PXDNL: variants seen among roughly 807,000 people sequenced by gnomAD.
The protein encoded by PXDNL is peroxidasin like.
A neutral mutation model predicts 150.8 loss-of-function variants in PXDNL; 145 were observed. The ratio of observed to expected loss-of-function variants is 0.96; its 90% CI spans 0.84 to 1.10. PXDNL has a LOEUF of 1.10. Among genes scored for constraint, PXDNL ranks in the 50% least tolerant of loss-of-function variants. PXDNL has a pLI of 0.00. For missense variants in PXDNL, 2,087 were observed against 1,873.9 expected (o/e 1.11, Z -2.10); for synonymous variants, 757 against 725.7 (o/e 1.04, Z -0.69).
chr8:51,322,139 A>C (rs1805340121), intron 21 of PXDNL, among the ~76,000 whole-genome samples: 1 of 152,168 alleles, frequency 6.6e-6, no homozygotes, highest in Non-Finnish European at 1.5e-5. Context: ...CCCTGCTGAC[A>C]CTTTGATCGT....
chr8:51,421,599 T>G (rs59625467), intron 14 of PXDNL, among the ~76,000 whole-genome samples: 3,466 of 152,170 alleles, frequency 0.023, 116 homozygotes, highest in African/African-American at 0.079. Flanking sequence ...CTCGGGAGGC[T>G]GGGGCAGGAG....
chr8:51,769,328 C>T (rs1035039221), intron 1 of PXDNL, among the ~76,000 whole-genome samples: 12 of 152,182 alleles, frequency 7.9e-5, no homozygotes, highest in African/African-American at 2.9e-4. Flanking sequence ...CCAGTAGTTA[C>T]CATTACTCCA....
At chr8:51,617,240 T>C (rs1470619390) in intron 2 of PXDNL, among the ~76,000 whole-genome samples, 1 of 152,230 alleles carries the variant, frequency 6.6e-6, no homozygotes, top group Admixed American at 6.5e-5. Context: ...AGCAGTATAA[T>C]TTTAATGGAT....
At chr8:51,402,584 T>G (rs930850802) in intron 17 of PXDNL, among the ~76,000 whole-genome samples, 1 of 152,230 alleles carries the variant, frequency 6.6e-6, no homozygotes, top group East Asian at 1.9e-4. Flanking sequence ...ACAAATAAAC[T>G]TATACTTACT....
intron 1 of PXDNL, among the ~76,000 whole-genome samples, chr8:51,785,636 T>C (rs1355100748): frequency 1.3e-5 from 2 of 152,218 alleles, no homozygotes; most frequent in Non-Finnish European, 2.9e-5. Flanking sequence ...TCATTGTAAT[T>C]GTTTGGGGGA....
chr8:51,505,425 C>T (rs1452642429), intron 4 of PXDNL, among the ~76,000 whole-genome samples: 2 of 152,278 alleles, frequency 1.3e-5, no homozygotes, highest in African/African-American at 4.8e-5. Flanking sequence ...TTGGCAACCC[C>T]GATCTAAGGC....
intron 3 of PXDNL, among the ~76,000 whole-genome samples, chr8:51,581,988 GATTTTTTTA>G (rs1282260080): frequency 6.6e-6 from 1 of 151,860 alleles, no homozygotes; most frequent in Non-Finnish European, 1.5e-5. Context: ...AATATATTAG[GATTTTTTTA>G]AAGCAGGCTA....
At chr8:51,377,723 G>A (rs1194135632) in intron 17 of PXDNL, among the ~76,000 whole-genome samples, 2 of 152,204 alleles carry the variant, frequency 1.3e-5, no homozygotes, top group Admixed American at 6.5e-5. Flanking sequence ...CGCTGCGCTC[G>A]AATTCTCGTG....
chr8:51,329,198 C>T (rs1318314101), intron 21 of PXDNL, among the ~76,000 whole-genome samples: 1 of 152,120 alleles, frequency 6.6e-6, no homozygotes, highest in African/African-American at 2.4e-5. Context: ...ATTTCCCATC[C>T]CCACACCTGA....
At position 51,374,654 on chromosome 8, in the gene PXDNL, C is replaced by A; in HGVS notation, c.3635G>T (p.Gly1212Val). ...AACAAACAGGCACATAAGTGTTGGT[C>A]CCACTCTTGTACCAGGAATCAGGTC... is the stretch of plus-strand genomic sequence containing the variant. ...VEDLIPGTRV[G>V]PTLMCLFVTQ... The change falls in exon 18 of 23, where the codon GGA becomes GTA. Residue 1212 changes from glycine to valine, a missense_variant. Coordinates refer to ENST00000356297, the MANE Select transcript of PXDNL (RefSeq NM_144651.5). 1 of 1,613,830 alleles carries A rather than the reference C, an allele frequency of 6.2e-7. No individual in the cohort carries two copies. The highest frequency in any genetic ancestry group is 8.5e-7 in the Non-Finnish European group (1 of 1,179,822).
chr8:51,617,552 A>G (rs1814156299), intron 2 of PXDNL, among the ~76,000 whole-genome samples: 1 of 152,244 alleles, frequency 6.6e-6, no homozygotes, highest in Non-Finnish European at 1.5e-5. Flanking sequence ...GGAAGCTTAG[A>G]GAAATATGAC....
chr8:51,627,797 G>A (rs1221149579), intron 2 of PXDNL, among the ~76,000 whole-genome samples: 1 of 152,134 alleles, frequency 6.6e-6, no homozygotes, highest in Non-Finnish European at 1.5e-5. Flanking sequence ...AGCAGTCCAG[G>A]GTCCTGGGCC....
At chr8:51,652,306 T>A (rs1441676673) in intron 2 of PXDNL, among the ~76,000 whole-genome samples, 1 of 152,138 alleles carries the variant, frequency 6.6e-6, no homozygotes, top group Non-Finnish European at 1.5e-5. Context: ...TTCACTTAAC[T>A]GGACTAACAA....
intron 1 of PXDNL, among the ~76,000 whole-genome samples, chr8:51,772,161 C>T (rs2037303050): frequency 6.6e-6 from 1 of 151,872 alleles, no homozygotes; most frequent in Non-Finnish European, 1.5e-5. Flanking sequence ...CTTTGATGAA[C>T]CAGCAGCACT....
At chr8:51,461,235 T>C (rs1810071915) in intron 8 of PXDNL, among the ~76,000 whole-genome samples, 1 of 152,162 alleles carries the variant, frequency 6.6e-6, no homozygotes, top group Non-Finnish European at 1.5e-5. Flanking sequence ...GAACTGCCAA[T>C]CTCAGAACAC....
At chr8:51,703,862 A>G (rs1326634751) in intron 1 of PXDNL, among the ~76,000 whole-genome samples, 1 of 152,210 alleles carries the variant, frequency 6.6e-6, no homozygotes, top group East Asian at 1.9e-4. Flanking sequence ...ATTAATTTAG[A>G]ATGTTTGCCT....
At chr8:51,763,105 T>C (rs1204689120) in intron 1 of PXDNL, among the ~76,000 whole-genome samples, 1 of 152,278 alleles carries the variant, frequency 6.6e-6, no homozygotes, top group South Asian at 2.1e-4. Context: ...CATTATCCCT[T>C]ATACCCAGCC....
At chr8:51,738,083 T>A (rs1817075367) in intron 1 of PXDNL, among the ~76,000 whole-genome samples, 1 of 152,198 alleles carries the variant, frequency 6.6e-6, no homozygotes, top group Non-Finnish European at 1.5e-5. Context: ...AAGTCAGTAA[T>A]GTGCACCAAT....
intron 14 of PXDNL, among the ~76,000 whole-genome samples, chr8:51,414,892 G>A (rs1808753747): frequency 6.6e-6 from 1 of 152,104 alleles, no homozygotes; most frequent in Admixed American, 6.6e-5. Flanking sequence ...CCTCAGAAAT[G>A]AAAAAGTGTC....
Sources: allele counts gnomAD v4.1 joint callset (sites outside exome capture counted in the v4.1 genomes callset), GRCh38; gene constraint gnomAD v4.1.1; transcripts MANE v1.5; gene names NCBI Gene and HGNC (gene_info 2026-07-23, HGNC 2026-07-21).